The following CEP162 variants were observed in gnomAD, a reference collection of about 807,000 sequenced individuals.
CEP162 encodes the protein centrosomal protein of 162 kDa.
CEP162 carries 141 observed loss-of-function variants against 169.2 expected under a neutral mutation model. That is an observed-to-expected ratio of 0.83 (90% confidence interval 0.73 to 0.96). The LOEUF is 0.96. Among genes scored for constraint, CEP162 ranks in the 40% least tolerant of loss-of-function variants. CEP162 has a pLI of 0.00. For missense variants in CEP162, 1,600 were observed against 1,587.2 expected, an observed-to-expected ratio of 1.01 and a Z score of -0.14; for synonymous variants, 540 against 526.4, an observed-to-expected ratio of 1.03 and a Z score of -0.35.
At chr6:84,195,520 G>A (rs528737767) in intron 9 of CEP162, among the ~76,000 whole-genome samples, 9 of 152,260 alleles carry the variant, frequency 5.9e-5, no homozygotes, top group African/African-American at 2.2e-4. Flanking sequence ...CCAACATCCT[G>A]CTAAAGCTGC....
intron 25 of CEP162, among the ~76,000 whole-genome samples, chr6:84,139,503 GA>G (rs1313415813): frequency 1.3e-5 from 2 of 152,014 alleles, no homozygotes; most frequent in Admixed American, 6.5e-5. Flanking sequence ...CATGGGTTGA[GA>G]AAAAAAATTT....
chr6:84,163,057 G>T (rs2099526412), intron 19 of CEP162, 87 bp downstream of exon 19: 5 of 1,294,354 alleles, frequency 3.9e-6, no homozygotes, highest in South Asian at 2.8e-5. Flanking sequence ...GTAGCATTTT[G>T]ATTATACCAT....
At chr6:84,144,903 C>T (rs1034614495) in intron 25 of CEP162, among the ~76,000 whole-genome samples, 3 of 152,112 alleles carry the variant, frequency 2.0e-5, no homozygotes, top group Middle Eastern at 3.4e-3. Flanking sequence ...TCTCCAGAAA[C>T]CATTAGCTGA....
chr6:84,140,925 G>C (rs1467527918), intron 25 of CEP162, among the ~76,000 whole-genome samples: 1 of 152,112 alleles, frequency 6.6e-6, no homozygotes, highest in Non-Finnish European at 1.5e-5. Context: ...ATTCTTCCAC[G>C]GAAAGAGGGA....
intron 21 of CEP162, among the ~76,000 whole-genome samples, chr6:84,158,294 C>T (rs1375416113): frequency 6.6e-6 from 1 of 152,162 alleles, no homozygotes; most frequent in Non-Finnish European, 1.5e-5. Context: ...GTTTAAATCT[C>T]TCTTGTCTCA....
rs969522319 is a variant in CEP162 at position 84,182,348 on chromosome 6, A to G, written c.1663+2839T>C. On this transcript the variant is annotated intron_variant, in intron 13 of 26. Coordinates refer to ENST00000403245, the MANE Select transcript of CEP162 (RefSeq NM_014895.4). ...TAATTCTTAATAAGAGAAGACAATAATAAGTATTTTTGTCCTTTCATGGCA... is the reference window on the plus strand; with the variant it reads ...TAATTCTTAATAAGAGAAGACAATAGTAAGTATTTTTGTCCTTTCATGGCA... Among the ~76,000 whole-genome samples, 9 of 152,182 alleles carry G rather than the reference A, an allele frequency of 5.9e-5. 1 individual carries two copies. The highest frequency in any genetic ancestry group is 2.1e-4 in the South Asian group (1 of 4,830).
In CEP162 at chr6:84,126,481, G is replaced by C; in HGVS notation, c.3902C>G (p.Ala1301Gly). The change falls in exon 26 of 27, where the codon GCC (alanine) becomes GGC (glycine). Residue 1301 changes from alanine (A) to glycine (G), a missense_variant. Physicochemically the swap from Ala to Gly is moderately conservative, Grantham distance 60. Coordinates refer to ENST00000403245, the MANE Select transcript of CEP162 (RefSeq NM_014895.4). The stretch of plus-strand genomic sequence containing the variant: ...CATCTCTGGTGTATGGTTTTCTTTG[G>C]CTTCTCTCAATTCTTCTAAGAGTTT... ...ITKLLEELRE[A>G]KENHTPEMKH... 4 of 1,560,478 alleles carry C rather than the reference G, an allele frequency of 2.6e-6. No individual in the cohort carries two copies. Among genetic ancestry groups the C allele is most frequent in the Non-Finnish European group, 3.5e-6 (4 of 1,150,976 alleles).
chr6:84,179,672 T>A (rs1240570255), intron 13 of CEP162, among the ~76,000 whole-genome samples: 1 of 152,082 alleles, frequency 6.6e-6, no homozygotes, highest in Non-Finnish European at 1.5e-5. Flanking sequence ...TAATTAGATA[T>A]CCCACAGAAA....
At chr6:84,226,026 T>C (rs2099555594) in intron 2 of CEP162, among the ~76,000 whole-genome samples, 1 of 149,942 alleles carries the variant, frequency 6.7e-6, no homozygotes, top group South Asian at 2.1e-4. Flanking sequence ...TTTAAAACCA[T>C]GGTAAGGAGG....
chr6:84,169,202 A>G (rs567119809), intron 18 of CEP162, 126 bp downstream of exon 18: 2 of 616,490 alleles, frequency 3.2e-6, no homozygotes, highest in African/African-American at 3.8e-5. Context: ...TAAGTTTTAA[A>G]TGGTATGAAA....
In CEP162 at chr6:84,193,688, G is replaced by T. The variant is rs202227805; in HGVS notation, c.1030C>A (p.Leu344Met). The T allele has an allele frequency of 2.6e-6, 4 of 1,548,342 alleles. No homozygotes were observed. The highest frequency in any genetic ancestry group is 2.7e-5 in the African/African-American group (2 of 73,002). ...SKNISTMESDLPTVEELMKPI... is the reference protein window; with the variant it reads ...SKNISTMESDMPTVEELMKPI... Reference sequence around the variant, plus strand: ...TTCATCAGCTCCTCTACTGTGGGCAGATCTAAGAGGTGGAAAAAAAAGTAG... The same window carrying T: ...TTCATCAGCTCCTCTACTGTGGGCATATCTAAGAGGTGGAAAAAAAAGTAG... Residue 344 changes from leucine to methionine, a missense_variant and splice_region_variant, in exon 11 of 27, where the codon CTG becomes ATG. By Grantham distance (15) the Leu-to-Met change is conservative. Transcript: ENST00000403245.
rs528109390 is a variant in CEP162 at position 84,155,464 on chromosome 6, A to G, written c.2828T>C (p.Leu943Ser). 4.2e-5 allele frequency: 67 copies of G among 1,613,176 alleles called. No homozygotes were observed. The highest frequency in any genetic ancestry group is 5.3e-5 in the Non-Finnish European group (62 of 1,179,404). Residue 943 changes from leucine to serine, a missense_variant, in exon 22 of 27, where the codon TTA becomes TCA. Transcript: ENST00000403245. ...GILKRRYPNSLPALILAASAA... is the reference protein window; with the variant it reads ...GILKRRYPNSSPALILAASAA... ...TGATGCAGCCAATATTAAAGCAGGT[A>G]AAGAATTGGGATATCTTCTCTTCAG...
intron 2 of CEP162, among the ~76,000 whole-genome samples, chr6:84,225,157 A>G (rs1309578449): frequency 6.6e-6 from 1 of 152,206 alleles, no homozygotes; most frequent in African/African-American, 2.4e-5. Context: ...TTATATAAAT[A>G]GAGTTTTATG....
intron 18 of CEP162, among the ~76,000 whole-genome samples, chr6:84,167,688 C>T (rs1050663519): frequency 3.9e-5 from 6 of 152,058 alleles, no homozygotes; most frequent in Non-Finnish European, 5.9e-5. Flanking sequence ...TTTTAGTTTG[C>T]GCATTGCAAG....
intron 11 of CEP162, among the ~76,000 whole-genome samples, chr6:84,193,403 C>T (rs1263950761): frequency 6.6e-6 from 1 of 152,162 alleles, no homozygotes; most frequent in African/African-American, 2.4e-5. Flanking sequence ...TTAGTGGCCC[C>T]AGTTTTTTTA....
intron 9 of CEP162, among the ~76,000 whole-genome samples, chr6:84,197,168 A>G (rs1420331699): frequency 6.6e-6 from 1 of 152,114 alleles, no homozygotes; most frequent in African/African-American, 2.4e-5. Flanking sequence ...GAGGTGTCAG[A>G]AAGAATAGAT....
At chr6:84,138,222 A>C (rs967695012) in intron 25 of CEP162, among the ~76,000 whole-genome samples, 4 of 152,192 alleles carry the variant, frequency 2.6e-5, no homozygotes, top group African/African-American at 9.6e-5. Flanking sequence ...CCTCCTTTAA[A>C]TAACTAGAAA....
At chr6:84,134,620 C>T (rs1013169507) in intron 25 of CEP162, among the ~76,000 whole-genome samples, 5 of 152,166 alleles carry the variant, frequency 3.3e-5, no homozygotes, top group African/African-American at 7.2e-5. Context: ...ACCCCTTGCA[C>T]TTCCCGGATG....
chr6:84,147,198 G>A (rs1029498696), intron 24 of CEP162, among the ~76,000 whole-genome samples: 5 of 152,052 alleles, frequency 3.3e-5, no homozygotes, highest in Non-Finnish European at 5.9e-5. Flanking sequence ...TAAATGGATG[G>A]AACTGAAGGT....
Sources: allele counts gnomAD v4.1 joint callset (sites outside exome capture counted in the v4.1 genomes callset), GRCh38; gene constraint gnomAD v4.1.1; transcripts MANE v1.5; gene names NCBI Gene and HGNC (gene_info 2026-07-23, HGNC 2026-07-21).